The following BAIAP2L1 variants were observed in gnomAD, a reference collection of about 807,000 sequenced individuals.
BAIAP2L1 encodes BAR/IMD domain containing adaptor protein 2 like 1.
A neutral mutation model predicts 66.3 loss-of-function variants in BAIAP2L1; 35 were observed. That is an observed-to-expected ratio of 0.53 (90% confidence interval 0.40 to 0.70). The LOEUF is 0.70. Ranked by LOEUF, BAIAP2L1 falls within the 30% of genes least tolerant of loss-of-function variation. The pLI is 0.00. For missense variants in BAIAP2L1, 622 were observed against 656.9 expected (o/e 0.95, Z 0.58); for synonymous variants, 269 against 248.7 (o/e 1.08, Z -0.77).
At chr7:98,359,366 G>A (rs574926425) in intron 2 of BAIAP2L1, among the ~76,000 whole-genome samples, 4 of 149,886 alleles carry the variant, frequency 2.7e-5, no homozygotes, top group Admixed American at 6.7e-5. Flanking sequence ...TTTACCTCCC[G>A]GGTTCAAGTG....
chr7:98,339,315 G>A (rs1187540679), intron 3 of BAIAP2L1, among the ~76,000 whole-genome samples: 2 of 152,038 alleles, frequency 1.3e-5, no homozygotes, highest in African/African-American at 4.8e-5. Context: ...CACTCTATTG[G>A]GTGTGCTGTA....
rs561090624 is a variant in BAIAP2L1, at chr7:98,333,101, T to C, written c.215-12803A>G. ...CCTGATGAGTTCCCCGCAGTGCACG[T>C]CCCTGACCACCCTACCTAAAACAGC... On this transcript the variant is annotated intron_variant, in intron 3 of 13. Transcript: ENST00000005260. 1.3e-4 allele frequency among the ~76,000 whole-genome samples: 20 copies of C among 152,202 alleles called. No individual in the cohort carries two copies. In the East Asian group the frequency reaches 3.1e-3, roughly 24 times the overall value.
At chr7:98,319,900 A>G (rs1801196186) in intron 5 of BAIAP2L1, among the ~76,000 whole-genome samples, 158 bp downstream of exon 5, 2 of 152,166 alleles carry the variant, frequency 1.3e-5, no homozygotes, top group Non-Finnish European at 2.9e-5. Flanking sequence ...CGGCCCACAC[A>G]GCCCAAAGAG....
At chr7:98,357,068 T>A (rs1271895664) in intron 2 of BAIAP2L1, among the ~76,000 whole-genome samples, 10 of 78,904 alleles carry the variant, frequency 1.3e-4, no homozygotes, top group Admixed American at 3.5e-4. Context: ...TTTTTTTTTT[T>A]AAGAGTAGGG....
In BAIAP2L1 at chr7:98,355,053, G is replaced by A; in HGVS notation, c.203C>T (p.Ser68Leu). Residue 68 changes from serine (S) to leucine (L), a missense_variant, in exon 3 of 14, where the codon TCA becomes TTA. Transcript: ENST00000005260. Reference sequence around the variant, plus strand: ...GACAGATCGCTCACCCAGTTCAGTTGACACGGGGGACCCAGTGGCAATCTC... The same window carrying A: ...GACAGATCGCTCACCCAGTTCAGTTAACACGGGGGACCCAGTGGCAATCTC... The part of the protein sequence containing the change: ...IGEIATGSPV[S>L]TELGHVLIEI... 6.2e-7 allele frequency: 1 copy of A among 1,613,288 alleles called. No homozygotes were observed. Among genetic ancestry groups the A allele is most frequent in the South Asian group, 1.1e-5 (1 of 91,068 alleles).
At chr7:98,310,667 T>C (rs989737776) in intron 8 of BAIAP2L1, 75 bp from the exon 9 acceptor site, 25 of 1,227,908 alleles carry the variant, frequency 2.0e-5, no homozygotes, top group Non-Finnish European at 2.5e-5. Flanking sequence ...AAGGCTGTTT[T>C]TTTTTTTTAA....
intron 13 of BAIAP2L1, among the ~76,000 whole-genome samples, chr7:98,293,830 C>A (rs1463801631): frequency 6.6e-6 from 1 of 152,216 alleles, no homozygotes; most frequent in African/African-American, 2.4e-5. Context: ...ACGTGGGCAC[C>A]CACACCTCTT....
intron 2 of BAIAP2L1, among the ~76,000 whole-genome samples, chr7:98,355,623 G>GGAGGCTGAGGTGAGAGGATCGCTT (rs1802102581): frequency 6.6e-6 from 1 of 151,860 alleles, no homozygotes; most frequent in Non-Finnish European, 1.5e-5. Flanking sequence ...CAGCTACTTG[G>GGAGGCTGAGGTGAGAGGATCGCTT]GAGGCTGAGG....
In BAIAP2L1 at chr7:98,355,126, T is replaced by C. The variant is rs757433710; in HGVS notation, c.130A>G (p.Met44Val). 3.1e-6 allele frequency: 5 copies of C among 1,608,892 alleles called. No homozygotes were observed. The African/African-American group carries it at 4.0e-5, about 13-fold the overall frequency. The change falls in exon 3 of 14, where the codon ATG (methionine) becomes GTG (valine). Residue 44 changes from methionine to valine, a missense_variant and splice_region_variant. Physicochemically the swap from Met to Val is conservative, Grantham distance 21. Coordinates refer to ENST00000005260, the MANE Select transcript of BAIAP2L1 (RefSeq NM_018842.5). ...TAGTAGGCTTTTCCTGCCAGGATCA[T>C]AGCTAGACACAAAAGGTGACACACA... Reference protein sequence around the residue: ...GKNYEKAVNAMILAGKAYYDG... With the variant: ...GKNYEKAVNAVILAGKAYYDG...
chr7:98,317,508 C>G, intron 5 of BAIAP2L1, 152 bp from the exon 6 acceptor site: 1 of 814,638 alleles, frequency 1.2e-6, no homozygotes, highest in Non-Finnish European at 1.9e-6. Context: ...CCCCCACACC[C>G]ACACCAGTTC....
At chr7:98,357,396 G>A (rs993799708) in intron 2 of BAIAP2L1, among the ~76,000 whole-genome samples, 3 of 150,190 alleles carry the variant, frequency 2.0e-5, no homozygotes, top group Non-Finnish European at 4.4e-5. Flanking sequence ...GTGAAATCCC[G>A]TCTCCACTAA....
intron 1 of BAIAP2L1, among the ~76,000 whole-genome samples, chr7:98,369,388 T>C (rs1398737428): frequency 6.6e-6 from 1 of 152,068 alleles, no homozygotes; most frequent in Non-Finnish European, 1.5e-5. Context: ...GAGGCTGAGG[T>C]AGGTGAATCG....
chr7:98,304,159 T>C, intron 12 of BAIAP2L1, 37 bp downstream of exon 12: 1 of 1,523,472 alleles, frequency 6.6e-7, no homozygotes, highest in Non-Finnish European at 8.8e-7. Flanking sequence ...GGATGGCGAG[T>C]CCAGGACCCA....
chr7:98,335,780 G>A (rs77850250), intron 3 of BAIAP2L1, among the ~76,000 whole-genome samples: 3,697 of 152,136 alleles, frequency 0.024, 148 homozygotes, highest in African/African-American at 0.085. Flanking sequence ...AAGGACCACC[G>A]GGACACCTTC....
intron 12 of BAIAP2L1, among the ~76,000 whole-genome samples, chr7:98,295,750 C>T (rs1400702381): frequency 6.6e-6 from 1 of 152,156 alleles, no homozygotes; most frequent in Admixed American, 6.5e-5. Context: ...ACCAGAAACA[C>T]CCTCCACCCA....
At chr7:98,315,316 C>T in intron 7 of BAIAP2L1, 144 bp downstream of exon 7, 2 of 629,624 alleles carry the variant, frequency 3.2e-6, no homozygotes, top group East Asian at 3.7e-5. Flanking sequence ...TTTATAGAGA[C>T]AGAGTTTTGC....
intron 10 of BAIAP2L1, chr7:98,307,343 T>C (rs1229869526): frequency 9.5e-7 from 1 of 1,054,930 alleles, no homozygotes; most frequent in Non-Finnish European, 1.2e-6. Context: ...TAACCTCAGG[T>C]GATCTGCCCG....
intron 1 of BAIAP2L1, among the ~76,000 whole-genome samples, chr7:98,374,373 T>G (rs551159757): frequency 2.7e-4 from 41 of 152,220 alleles, no homozygotes; most frequent in Non-Finnish European, 4.9e-4. Flanking sequence ...CCTAACATCG[T>G]GGCTGTTATT....
intron 3 of BAIAP2L1, among the ~76,000 whole-genome samples, chr7:98,348,293 G>A (rs1016378100): frequency 4.6e-5 from 7 of 151,990 alleles, no homozygotes; most frequent in Middle Eastern, 3.2e-3. Context: ...CTGGCCAGGC[G>A]CAGTGGCTCA....
Sources: gnomAD v4.1 joint callset for allele counts (sites outside exome capture counted in the v4.1 genomes callset) on GRCh38, gnomAD v4.1.1 for gene constraint, MANE v1.5 for transcripts, NCBI Gene and HGNC (gene_info 2026-07-23, HGNC 2026-07-21) for gene names.